The following AHNAK variants were observed in gnomAD, a reference collection of about 807,000 sequenced individuals.
AHNAK encodes the protein AHNAK nucleoprotein.
AHNAK carries 23 observed loss-of-function variants against 37.8 expected under a neutral mutation model. That is an observed-to-expected ratio of 0.61 (90% CI 0.44 to 0.86). The LOEUF (loss-of-function observed/expected upper bound fraction) is 0.86. Among genes scored for constraint, AHNAK ranks in the 40% least tolerant of loss-of-function variants. AHNAK has a pLI of 0.00. For synonymous variants in AHNAK, 2,481 were observed against 2,636.3 expected (o/e 0.94, Z 1.80); for missense variants, 7,411 against 7,319.4 (o/e 1.01, Z -0.46).
rs1191515683 is a variant in AHNAK, at chr11:62,530,949, A to G, written c.3468T>C (p.Val1156=). ...CGATGTCCACCTTGGGTCCTGAGAC[A>G]ACAACGTCAGCCTTAGGCAAGTTCA... The part of the protein sequence containing the change: ...VDVNLPKADV[V]VSGPKVDIEA... The change falls in exon 5 of 5, where the codon GTT becomes GTC. Residue 1156 remains valine (V), a synonymous_variant. Coordinates refer to ENST00000378024, the MANE Select transcript of AHNAK (RefSeq NM_001620.3). 6.2e-7 allele frequency: 1 copy of G among 1,613,584 alleles called. No homozygotes were observed. The highest frequency in any genetic ancestry group is 1.7e-5 in the Admixed American group (1 of 59,976).
At chr11:62,492,841 G>A (rs1203264523) in intron 4 of AHNAK, among the ~76,000 whole-genome samples, 2 of 146,916 alleles carry the variant, frequency 1.4e-5, no homozygotes, top group East Asian at 3.9e-4. Flanking sequence ...TCACACCACT[G>A]CACTCCAGCC....
chr11:62,543,025 A>G (rs1485090099), intron 1 of AHNAK, among the ~76,000 whole-genome samples: 1 of 151,942 alleles, frequency 6.6e-6, no homozygotes, highest in Non-Finnish European at 1.5e-5. Context: ...CCCCGCCAGG[A>G]CACGTAGCTG....
chr11:62,470,909 T>A (rs746561332), intron 5 of AHNAK, among the ~76,000 whole-genome samples: 3 of 152,154 alleles, frequency 2.0e-5, no homozygotes, highest in Non-Finnish European at 4.4e-5. Flanking sequence ...TAATACAAGA[T>A]GCTGGGCCTG....
At chr11:62,462,377 C>T (rs1421473651) in intron 5 of AHNAK, among the ~76,000 whole-genome samples, 1 of 152,176 alleles carries the variant, frequency 6.6e-6, no homozygotes, top group Non-Finnish European at 1.5e-5. Flanking sequence ...GTGAAAGCTA[C>T]AGAACTGGAA....
chr11:62,535,646 C>G (rs1452360699), intron 3 of AHNAK, among the ~76,000 whole-genome samples: 1 of 144,274 alleles, frequency 6.9e-6, no homozygotes, highest in African/African-American at 2.6e-5. Context: ...AAAACTCCAT[C>G]TAAAAAAAAA....
Position 62,526,753 on chromosome 11 carries a change from A to G in AHNAK, c.7664T>C (p.Ile2555Thr), listed in dbSNP as rs1278437969. 2 of 1,613,782 alleles carry G rather than the reference A, an allele frequency of 1.2e-6. No individual in the cohort carries two copies. Among genetic ancestry groups the G allele is most frequent in the Non-Finnish European group, 1.7e-6 (2 of 1,179,976 alleles). The change falls in exon 5 of 5, where the codon ATT becomes ACT. Residue 2555 changes from isoleucine to threonine, a missense_variant. Physicochemically the swap from Ile to Thr is moderately conservative, Grantham distance 89. Transcript: ENST00000378024. ...KVDIEGPDVN[I>T]EGPEGKLKGP... ...TTTCAACTTTCCCTCTGGTCCTTCA[A>G]TATTAACATCAGGGCCTTCAATGTC...
At position 62,517,538 on chromosome 11, in the gene AHNAK, C is replaced by G; in HGVS notation, c.16879G>C (p.Gly5627Arg). The G allele has an allele frequency of 1.2e-6, 2 of 1,614,164 alleles. No homozygotes were observed. Among genetic ancestry groups the G allele is most frequent in the African/African-American group, 2.7e-5 (2 of 75,020 alleles). Residue 5627 changes from glycine (G) to arginine (R), a missense_variant, in exon 5 of 5, where the codon GGT (glycine) becomes CGT (arginine). Transcript: ENST00000378024. ...AGTCCAATCTGACCTCCTTTCACAC[C>G]TCCTTCCACCTTTGGTCCTGAGAAA... Reference protein sequence around the residue: ...LHFSGPKVEGGVKGGQIGLQA... With the variant: ...LHFSGPKVEGRVKGGQIGLQA...
At chr11:62,470,315 A>G (rs1447628967) in intron 5 of AHNAK, among the ~76,000 whole-genome samples, 4 of 152,096 alleles carry the variant, frequency 2.6e-5, no homozygotes, top group Admixed American at 1.3e-4. Context: ...GCATGGTGGC[A>G]TGCGCCTGTA....
chr11:62,453,716 G>T (rs1056246644), intron 5 of AHNAK, among the ~76,000 whole-genome samples: 9 of 152,206 alleles, frequency 5.9e-5, no homozygotes, highest in Non-Finnish European at 1.3e-4. Flanking sequence ...AATTTAGCGG[G>T]CTATGTTCTA....
At chr11:62,465,671 G>A (rs550637441) in intron 5 of AHNAK, among the ~76,000 whole-genome samples, 10 of 151,908 alleles carry the variant, frequency 6.6e-5, no homozygotes, top group Non-Finnish European at 8.8e-5. Context: ...TTTACCATGA[G>A]GTCATATTGA....
rs540276753 is a variant in AHNAK, at chr11:62,545,208, G to A, written c.-100+1452C>T. ...AGCACCTCACTGCCACGGTCGCCGCGGCGGGAGCCACACCCTGCGAAACCG... is the reference window on the plus strand; with the variant it reads ...AGCACCTCACTGCCACGGTCGCCGCAGCGGGAGCCACACCCTGCGAAACCG... On this transcript the variant is annotated intron_variant, in intron 1 of 4. Transcript: ENST00000378024. 3.3e-4 allele frequency among the ~76,000 whole-genome samples: 50 copies of A among 152,074 alleles called. 2 individuals carry two copies. Among genetic ancestry groups the A allele is most frequent in the Non-Finnish European group, 8.8e-5 (6 of 67,958 alleles).
chr11:62,522,331 T>C lies in AHNAK; in HGVS notation c.12086A>G (p.Asp4029Gly), dbSNP rs1940287576. 1 of 1,613,270 alleles carries C rather than the reference T, an allele frequency of 6.2e-7. No individual in the cohort carries two copies. Among genetic ancestry groups the C allele is most frequent in the Non-Finnish European group, 8.5e-7 (1 of 1,179,860 alleles). Residue 4029 changes from aspartate to glycine, a missense_variant, in exon 5 of 5, where the codon GAT becomes GGT. By Grantham distance (94) the Asp-to-Gly change is moderately conservative. Coordinates refer to ENST00000378024, the MANE Select transcript of AHNAK (RefSeq NM_001620.3). ...VDVSLPKMEG[D>G]LKAPEVDIKG... ...GATGTCAACTTCAGGGGCCTTTAGA[T>C]CACCTTCCATCTTAGGCAGAGAAAC...
intron 5 of AHNAK, among the ~76,000 whole-genome samples, chr11:62,445,998 A>T (rs1938416875): frequency 6.6e-6 from 1 of 152,176 alleles, no homozygotes; most frequent in Non-Finnish European, 1.5e-5. Flanking sequence ...ACAGAGCAAG[A>T]CACTGTCTCA....
intron 5 of AHNAK, among the ~76,000 whole-genome samples, chr11:62,462,194 C>T (rs1938804778): frequency 3.3e-5 from 5 of 152,112 alleles, no homozygotes; most frequent in Admixed American, 3.3e-4. Flanking sequence ...CCTCTCTCAC[C>T]ACAGTCCCCC....
rs757739169 is a variant in AHNAK at position 62,525,985 on chromosome 11, A to G, written c.8432T>C (p.Ile2811Thr). The change falls in exon 5 of 5, where the codon ATC becomes ACC. Residue 2811 changes from isoleucine (I) to threonine (T), a missense_variant. Transcript: ENST00000378024. ...TTTCCACTTTCCTTCAGGTCCTTCG[A>G]TATTCACATCGGGACATTCAACATC... is the stretch of plus-strand genomic sequence containing the variant. ...KVDVECPDVN[I>T]EGPEGKWKSP... 3.1e-6 allele frequency: 5 copies of G among 1,613,574 alleles called. No homozygotes were observed. Among genetic ancestry groups the G allele is most frequent in the Non-Finnish European group, 4.2e-6 (5 of 1,179,938 alleles).
intron 5 of AHNAK, among the ~76,000 whole-genome samples, chr11:62,488,398 C>G (rs1417641328): frequency 6.8e-6 from 1 of 146,038 alleles, no homozygotes; most frequent in Non-Finnish European, 1.5e-5. Flanking sequence ...CATCATCTGT[C>G]TAGCTTTTTT....
At chr11:62,463,182 A>C (rs1418608304) in intron 5 of AHNAK, among the ~76,000 whole-genome samples, 1 of 151,988 alleles carries the variant, frequency 6.6e-6, no homozygotes, top group Non-Finnish European at 1.5e-5. Flanking sequence ...CCAGTCCTAC[A>C]GACCAGGAAT....
At chr11:62,452,497 G>T (rs982507702) in intron 5 of AHNAK, among the ~76,000 whole-genome samples, 1 of 152,216 alleles carries the variant, frequency 6.6e-6, no homozygotes, top group Non-Finnish European at 1.5e-5. Context: ...TATTGGTTGT[G>T]TGGACGGATG....
downstream of AHNAK, among the ~76,000 whole-genome samples, chr11:62,514,647 A>G (rs1197165355): frequency 6.6e-6 from 1 of 152,212 alleles, no homozygotes; most frequent in Non-Finnish European, 1.5e-5. Flanking sequence ...CTCTGGCCCT[A>G]TGAATGCTGC....
Sources: gnomAD v4.1 joint callset for allele counts (sites outside exome capture counted in the v4.1 genomes callset) on GRCh38, gnomAD v4.1.1 for gene constraint, MANE v1.5 for transcripts, NCBI Gene and HGNC (gene_info 2026-07-23, HGNC 2026-07-21) for gene names.